ARHGAP25: variants seen among roughly 807,000 people sequenced by gnomAD.
The protein encoded by ARHGAP25 is Rho GTPase activating protein 25, also known as rho GTPase-activating protein 25.
In ARHGAP25, 34 loss-of-function variants were observed where a neutral mutation model predicts 71.0. The ratio of observed to expected loss-of-function variants is 0.48; its 90% confidence interval spans 0.36 to 0.64. ARHGAP25 has a LOEUF of 0.64. ARHGAP25 is among the 30% of genes least tolerant of loss of function. ARHGAP25 has a pLI of 0.00. For missense variants in ARHGAP25, 706 were observed against 805.1 expected (o/e 0.88, Z 1.49); for synonymous variants, 282 against 296.5 (o/e 0.95, Z 0.50).
intron 1 of ARHGAP25, among the ~76,000 whole-genome samples, chr2:68,739,172 A>G (rs909003246): frequency 2.6e-5 from 4 of 152,216 alleles, no homozygotes; most frequent in African/African-American, 9.6e-5. Flanking sequence ...ACTCATGCAC[A>G]AAATTCCCCC....
At chr2:68,710,810 A>G (rs974687801) in intron 2 of ARHGAP25, 2 of 152,178 alleles carry the variant, frequency 1.3e-5, no homozygotes. Context: ...TAGTTCTTAT[A>G]TAACTGAGAG....
At chr2:68,801,546 G>C (rs983183481) in intron 4 of ARHGAP25, among the ~76,000 whole-genome samples, 1 of 152,168 alleles carries the variant, frequency 6.6e-6, no homozygotes, top group Non-Finnish European at 1.5e-5. Flanking sequence ...AAAGGCCATT[G>C]GTCTCCTTGA....
intron 1 of ARHGAP25, among the ~76,000 whole-genome samples, chr2:68,766,742 C>T (rs980815099): frequency 6.6e-6 from 1 of 151,302 alleles, no homozygotes; most frequent in Non-Finnish European, 1.5e-5. Context: ...CTTGTTCTCA[C>T]TCTCTGTCAT....
chr2:68,810,258 G>T (rs1162216504), intron 5 of ARHGAP25, among the ~76,000 whole-genome samples: 1 of 152,110 alleles, frequency 6.6e-6, no homozygotes, highest in Non-Finnish European at 1.5e-5. Flanking sequence ...GTACAATGGG[G>T]TGCTCACATT....
intron 1 of ARHGAP25, chr2:68,774,947 G>A (rs757277234): frequency 2.1e-6 from 3 of 1,412,622 alleles, no homozygotes; most frequent in African/African-American, 2.9e-5. Context: ...GCAGAATGAC[G>A]GGGCCCGCCG....
chr2:68,804,389 C>T (rs1283214768), intron 4 of ARHGAP25, among the ~76,000 whole-genome samples: 2 of 152,168 alleles, frequency 1.3e-5, no homozygotes, highest in African/African-American at 4.8e-5. Flanking sequence ...CTGGACCTCT[C>T]AAAAGAGAAT....
chr2:68,761,164 C>G (rs564902607), intron 1 of ARHGAP25, among the ~76,000 whole-genome samples: 4 of 152,052 alleles, frequency 2.6e-5, no homozygotes, highest in African/African-American at 9.6e-5. Context: ...AAAAATGATG[C>G]TAGGAAAACT....
chr2:68,737,660 A>G (rs1365331607), intron 1 of ARHGAP25, among the ~76,000 whole-genome samples: 1 of 152,140 alleles, frequency 6.6e-6, no homozygotes, highest in East Asian at 1.9e-4. Flanking sequence ...TGGGACTAGA[A>G]CCCAAATATT....
At chr2:68,822,025 A>C (rs906520543) in intron 9 of ARHGAP25, among the ~76,000 whole-genome samples, 5 of 141,270 alleles carry the variant, frequency 3.5e-5, no homozygotes, top group Admixed American at 3.1e-4. Context: ...TCAAACTTTT[A>C]CGGCTTCTGG....
At chr2:68,756,820 A>C (rs763584601) in intron 1 of ARHGAP25, among the ~76,000 whole-genome samples, 2 of 152,194 alleles carry the variant, frequency 1.3e-5, no homozygotes, top group Non-Finnish European at 2.9e-5. Flanking sequence ...GACCAACAGA[A>C]ACAGTGCCTG....
intron 9 of ARHGAP25, among the ~76,000 whole-genome samples, 164 bp from the exon 10 acceptor site, chr2:68,822,176 T>C (rs1681735282): frequency 6.6e-6 from 1 of 152,170 alleles, no homozygotes; most frequent in Non-Finnish European, 1.5e-5. Context: ...AATATCCTTT[T>C]GGAAAAAAAT....
intron 1 of ARHGAP25, among the ~76,000 whole-genome samples, chr2:68,770,601 G>A (rs1406083380): frequency 6.6e-6 from 1 of 152,150 alleles, no homozygotes; most frequent in East Asian, 1.9e-4. Context: ...CCATCTTGGG[G>A]CAAAAAGCAG....
At chr2:68,717,044 A>T (rs948354629) in intron 2 of ARHGAP25, among the ~76,000 whole-genome samples, 1 of 152,216 alleles carries the variant, frequency 6.6e-6, no homozygotes, top group African/African-American at 2.4e-5. Context: ...AGGTGATTTC[A>T]TTGTGCAAAT....
chr2:68,777,398 C>T (rs140320769), intron 2 of ARHGAP25, among the ~76,000 whole-genome samples: 1 of 152,120 alleles, frequency 6.6e-6, no homozygotes, highest in Non-Finnish European at 1.5e-5. Flanking sequence ...TACTACCTGG[C>T]CTGCATTTGT....
intron 6 of ARHGAP25, among the ~76,000 whole-genome samples, chr2:68,814,245 AT>A (rs1276098101): frequency 2.0e-5 from 3 of 152,210 alleles, no homozygotes; most frequent in Non-Finnish European, 4.4e-5. Context: ...CAAATTATGC[AT>A]CTTTTATAAG....
At chr2:68,808,100 C>A (rs1471064382) in intron 5 of ARHGAP25, among the ~76,000 whole-genome samples, 1 of 152,022 alleles carries the variant, frequency 6.6e-6, no homozygotes, top group East Asian at 1.9e-4. Context: ...CCTCCCACCA[C>A]CCCCTTCCTC....
intron 4 of ARHGAP25, among the ~76,000 whole-genome samples, chr2:68,798,518 A>AG (rs1449645336): frequency 7.7e-3 from 15 of 1,950 alleles, no homozygotes; most frequent in Admixed American, 0.017. Context: ...GAGGAGAGAG[A>AG]AAAAAAAAAA....
intron 10 of ARHGAP25, among the ~76,000 whole-genome samples, chr2:68,824,808 G>A (rs188701894): frequency 3.0e-4 from 46 of 152,232 alleles, no homozygotes; most frequent in Non-Finnish European, 5.6e-4. Flanking sequence ...AGATAGGTGG[G>A]GGTAAGCAAA....
intron 2 of ARHGAP25, among the ~76,000 whole-genome samples, chr2:68,777,600 A>G (rs1678016239): frequency 2.6e-5 from 4 of 152,222 alleles, no homozygotes; most frequent in Admixed American, 2.6e-4. Flanking sequence ...GACAAGGATA[A>G]TTTATTTTGA....
Sources: gnomAD v4.1 joint callset for allele counts (sites outside exome capture counted in the v4.1 genomes callset) on GRCh38, gnomAD v4.1.1 for gene constraint, MANE v1.5 for transcripts, NCBI Gene and HGNC (gene_info 2026-07-23, HGNC 2026-07-21) for gene names.